The following TMEM207 variants were observed in gnomAD, a reference collection of about 807,000 sequenced individuals.
TMEM207 encodes the protein transmembrane protein 207.
In TMEM207, 15 loss-of-function variants were observed where a neutral mutation model predicts 17.4. That is an observed-to-expected ratio of 0.86 (90% confidence interval 0.58 to 1.33). The LOEUF is 1.33. Among genes scored for constraint, TMEM207 ranks in the 40% most tolerant of loss-of-function variants. The pLI is 0.00. For synonymous variants in TMEM207, 70 were observed against 65.6 expected, an observed-to-expected ratio of 1.07 and a Z score of -0.33; for missense variants, 205 against 173.8, an observed-to-expected ratio of 1.18 and a Z score of -1.01.
At chr3:190,440,089 T>C (rs1021504197) in intron 4 of TMEM207, among the ~76,000 whole-genome samples, 155 bp downstream of exon 4, 54 of 152,192 alleles carry the variant, frequency 3.5e-4, no homozygotes, top group African/African-American at 1.3e-3. Flanking sequence ...TATGAAATTT[T>C]CTCCCTTAAA....
intron 2 of TMEM207, among the ~76,000 whole-genome samples, chr3:190,444,090 A>G (rs757571602): frequency 3.9e-5 from 6 of 152,148 alleles, no homozygotes; most frequent in Non-Finnish European, 5.9e-5. Context: ...TATGAATTTG[A>G]TAAATTCAGG....
rs1461618078 is a variant in TMEM207, at chr3:190,429,236, A to C, written c.*359T>G. On this transcript the variant is annotated 3_prime_UTR_variant, in exon 5 of 5. Transcript: ENST00000354905. Reference sequence around the variant, plus strand: ...TAATTTTTATGGACCCCATGCTAGGAAAGAGTTTAAAGCAGAAAATGGTGT... The same window carrying C: ...TAATTTTTATGGACCCCATGCTAGGCAAGAGTTTAAAGCAGAAAATGGTGT... The C allele has an allele frequency of 6.2e-6, 1 of 162,428 alleles. No individual in the cohort carries two copies. The highest frequency in any genetic ancestry group is 2.4e-5 in the African/African-American group (1 of 41,758). The allele number at this position is 162,428 out of a possible 1,614,324, so 10.1% of individuals were successfully genotyped here.
At chr3:190,441,171 A>G (rs1468159188) in intron 3 of TMEM207, among the ~76,000 whole-genome samples, 1 of 152,212 alleles carries the variant, frequency 6.6e-6, no homozygotes, top group East Asian at 1.9e-4. Flanking sequence ...TCATTTAGGG[A>G]GATTTCAAGA....
chr3:190,437,333 A>T (rs919101162), intron 4 of TMEM207, among the ~76,000 whole-genome samples: 1 of 152,184 alleles, frequency 6.6e-6, no homozygotes, highest in African/African-American at 2.4e-5. Flanking sequence ...CCAATTCTGG[A>T]CACTTTAAAC....
chr3:190,449,772 A>T lies in TMEM207; in HGVS notation c.38T>A (p.Ile13Asn), dbSNP rs930738887. 3.1e-6 allele frequency: 5 copies of T among 1,613,732 alleles called. No individual in the cohort carries two copies. In the African/African-American group the frequency reaches 5.3e-5, roughly 17 times the overall value. The change falls in exon 1 of 5, where the codon ATC becomes AAC. Residue 13 changes from isoleucine to asparagine, a missense_variant. Ile to Asn is a moderately radical substitution (Grantham distance 149). Coordinates refer to ENST00000354905, the MANE Select transcript of TMEM207 (RefSeq NM_207316.3). The part of the protein sequence containing the change: ...RSRLFSVTSA[I>N]STIGILCLPL... The stretch of plus-strand genomic sequence containing the variant: ...CAAACACAAGATCCCTATCGTTGAG[A>T]TCGCTGAGGTGACACTGAAAAGTCT...
chr3:190,430,663 G>A (rs140264240), intron 4 of TMEM207, among the ~76,000 whole-genome samples: 8 of 151,954 alleles, frequency 5.3e-5, no homozygotes, highest in African/African-American at 1.4e-4. Context: ...AACTAGTCCC[G>A]TGAACTAAAT....
intron 3 of TMEM207, 136 bp downstream of exon 3, chr3:190,441,302 G>A: frequency 4.5e-6 from 3 of 670,024 alleles, no homozygotes; most frequent in Non-Finnish European, 7.6e-6. Context: ...ATCTGAAAGT[G>A]ATGTTTCTAT....
intron 4 of TMEM207, among the ~76,000 whole-genome samples, chr3:190,433,375 A>G (rs1577442552): frequency 6.6e-6 from 1 of 152,318 alleles, no homozygotes; most frequent in East Asian, 1.9e-4. Flanking sequence ...TTCCTTTGAC[A>G]TTGCCTACTT....
intron 4 of TMEM207, among the ~76,000 whole-genome samples, chr3:190,431,997 T>C (rs1375811697): frequency 6.6e-6 from 1 of 152,198 alleles, no homozygotes; most frequent in African/African-American, 2.4e-5. Flanking sequence ...TGTTTACATA[T>C]AATATCAAGT....
rs113169397 is a variant in TMEM207, at chr3:190,428,934, T to G, written c.*661A>C. 2,977 of 152,326 alleles carry G rather than the reference T, an allele frequency of 0.02. 48 individuals are homozygous for G. The highest frequency in any genetic ancestry group is 0.031 in the Middle Eastern group (9 of 294). The allele number at this position is 152,326 out of a possible 1,614,324, so 9.4% of individuals were successfully genotyped here. A position where few individuals can be genotyped will look rare whatever the true frequency, so the allele number is the denominator to read the frequency against. ...TTCATTACTGTAAAAGGGGAACTTT[T>G]CTTTTCTCCCCGTGTTGGCATTATA... On this transcript the variant is annotated 3_prime_UTR_variant, in exon 5 of 5. Coordinates refer to ENST00000354905, the MANE Select transcript of TMEM207 (RefSeq NM_207316.3).
At chr3:190,435,301 C>T (rs576698667) in intron 4 of TMEM207, among the ~76,000 whole-genome samples, 4 of 152,202 alleles carry the variant, frequency 2.6e-5, no homozygotes, top group Non-Finnish European at 5.9e-5. Context: ...TGTGTCTCTA[C>T]ATCATGGTCT....
At position 190,440,290 on chromosome 3, in the gene TMEM207, C is replaced by T; in HGVS notation, c.258G>A (p.Arg86=). The T allele has an allele frequency of 6.2e-7, 1 of 1,614,048 alleles. No individual in the cohort carries two copies. The highest frequency in any genetic ancestry group is 8.5e-7 in the Non-Finnish European group (1 of 1,179,988). ...WLRRPRIDSH[R]RTMAVFAVGD... ...CAACAGCAAAAACTGCCATGGTGCG[C>T]CTGTGAGAATCAATTCGGGGTCTCC... Residue 86 remains arginine, a synonymous_variant, in exon 4 of 5, where the codon AGG becomes AGA. Transcript: ENST00000354905.
intron 2 of TMEM207, 126 bp downstream of exon 2, chr3:190,447,664 C>T (rs528034684): frequency 7.8e-5 from 67 of 853,652 alleles, no homozygotes; most frequent in South Asian, 5.8e-4. Context: ...AAACCATTTA[C>T]TTTTCTTCTG....
Position 190,440,350 on chromosome 3 carries a change from A to T in TMEM207, c.198T>A (p.Cys66Ter), listed in dbSNP as rs769835085. The T allele has an allele frequency of 6.2e-7, 1 of 1,613,702 alleles. No individual in the cohort carries two copies. Among genetic ancestry groups the T allele is most frequent in the Non-Finnish European group, 8.5e-7 (1 of 1,179,864 alleles). The change falls in exon 4 of 5, where the codon TGT (cysteine) becomes TGA (stop). Residue 66 changes from cysteine to a stop codon, truncating the protein, a stop_gained. Coordinates refer to ENST00000354905, the MANE Select transcript of TMEM207 (RefSeq NM_207316.3). LOFTEE classifies it high-confidence loss of function. ...ACTGGAGGCAGAGGACCACAGCTCC[A>T]CAGAGAAGAGCTGCCACCAAAACCA... ...LLLVLVAALL[C>*]GAVVLCLQCW...
Position 190,429,445 on chromosome 3 carries a change from C to G in TMEM207, c.*150G>C. 1 of 1,182,134 alleles carries G rather than the reference C, an allele frequency of 8.5e-7. No individual in the cohort carries two copies. 73.2% of individuals were successfully genotyped at this position (1,182,134 alleles called of 1,614,324 possible). A position where few individuals can be genotyped will look rare whatever the true frequency, so the allele number is the denominator to read the frequency against. ...ACATCTCCATGACCAAAATTTTTTC[C>G]AACATCCATTCTTTTGTCGAATTGT... is the stretch of plus-strand genomic sequence containing the variant. On this transcript the variant is annotated 3_prime_UTR_variant, in exon 5 of 5. Transcript: ENST00000354905.
chr3:190,447,898 T>C, intron 1 of TMEM207, 71 bp from the exon 2 acceptor site: 28 of 1,432,506 alleles, frequency 2.0e-5, no homozygotes, highest in Non-Finnish European at 2.6e-5. Context: ...AAGCAGCGCC[T>C]AGAGACAATG....
In TMEM207 at chr3:190,446,664, C is replaced by T. The variant is rs189352577; in HGVS notation, c.113+1126G>A. ...TTTCTCTTAGGTTTCAATCCCTTCA[C>T]CTAAAAGGGAGAGCGGTAGCCTCAG... is the stretch of plus-strand genomic sequence containing the variant. On this transcript the variant is annotated intron_variant, in intron 2 of 4. Transcript: ENST00000354905. Among the ~76,000 whole-genome samples, 2 of 152,334 alleles carry T rather than the reference C, an allele frequency of 1.3e-5. 1 individual carries two copies. The highest frequency in any genetic ancestry group is 2.9e-5 in the Non-Finnish European group (2 of 68,026).
chr3:190,433,636 T>C (rs1172309191), intron 4 of TMEM207, among the ~76,000 whole-genome samples: 1 of 152,150 alleles, frequency 6.6e-6, no homozygotes, highest in Non-Finnish European at 1.5e-5. Context: ...ATACATTCCT[T>C]TGAAAAAATC....
At chr3:190,447,120 G>C (rs1245498661) in intron 2 of TMEM207, among the ~76,000 whole-genome samples, 3 of 151,962 alleles carry the variant, frequency 2.0e-5, no homozygotes, top group Non-Finnish European at 4.4e-5. Context: ...AGTGTAACAG[G>C]CAATGAAGAC....
Sources: gnomAD v4.1 joint callset for allele counts (sites outside exome capture counted in the v4.1 genomes callset) on GRCh38, gnomAD v4.1.1 for gene constraint, MANE v1.5 for transcripts, NCBI Gene and HGNC (gene_info 2026-07-23, HGNC 2026-07-21) for gene names.